CNDP2: variants seen among roughly 807,000 people sequenced by gnomAD.
The protein encoded by CNDP2 is cytosolic non-specific dipeptidase.
In CNDP2, 38 loss-of-function variants were observed where a neutral mutation model predicts 55.0. The ratio of observed to expected loss-of-function variants is 0.69; its 90% CI spans 0.53 to 0.90. The LOEUF (loss-of-function observed/expected upper bound fraction) is 0.90, where lower values mean the gene tolerates loss of function less well. CNDP2 is among the 40% of genes least tolerant of loss of function. The pLI is 0.00. For missense variants in CNDP2, 607 were observed against 621.7 expected (o/e 0.98, Z 0.25); for synonymous variants, 241 against 260.2 (o/e 0.93, Z 0.71).
Position 74,520,479 on chromosome 18 carries a change from A to C in CNDP2, c.*411A>C. On this transcript the variant is annotated 3_prime_UTR_variant, in exon 12 of 12. Transcript: ENST00000324262. ...AGACAAGCCTAGGCAACAAAACAAG[A>C]CTCTGTCTCTACAAAAAGTTTAAGA... The C allele has an allele frequency of 5.5e-6, 1 of 183,374 alleles. No homozygotes were observed. The highest frequency in any genetic ancestry group is 1.1e-5 in the Non-Finnish European group (1 of 88,022). The allele number at this position is 183,374 out of a possible 1,614,324, so 11.4% of individuals were successfully genotyped here.
At chr18:74,512,312 T>C (rs569875460) in intron 6 of CNDP2, 136 bp from the exon 7 acceptor site, 10 of 702,374 alleles carry the variant, frequency 1.4e-5, no homozygotes, top group African/African-American at 7.2e-5. Flanking sequence ...AATGCCTTGC[T>C]TTGCTCCCTG....
Position 74,512,498 on chromosome 18 carries a change from G to A in CNDP2, c.708G>A (p.Val236=), listed in dbSNP as rs750174039. ...DLHSGVYGGS[V]HEAMTDLILL... ...ATTCTGGGGTGTACGGGGGCTCGGT[G>A]CATGAGGCCATGACTGATCTCATTT... The change falls in exon 7 of 12, where the codon GTG becomes GTA. Residue 236 remains valine (V), a synonymous_variant. Transcript: ENST00000324262. 23 of 1,613,968 alleles carry A rather than the reference G, an allele frequency of 1.4e-5. No individual in the cohort carries two copies. Among genetic ancestry groups the A allele is most frequent in the Non-Finnish European group, 1.3e-5 (15 of 1,179,982 alleles).
rs144157993 is a variant in CNDP2, at chr18:74,520,033, G to A, written c.1393G>A (p.Ala465Thr). The change falls in exon 12 of 12, where the codon GCG (alanine) becomes ACG (threonine). Residue 465 changes from alanine (A) to threonine (T), a missense_variant. Coordinates refer to ENST00000324262, the MANE Select transcript of CNDP2 (RefSeq NM_018235.3). The stretch of plus-strand genomic sequence containing the variant: ...CATAGAGGGAACCAAGATGCTGGCC[G>A]CGTACCTGTATGAGGTCTCCCAGCT... ...NYIEGTKMLA[A>T]YLYEVSQLKD 63 of 1,614,146 alleles carry A rather than the reference G, an allele frequency of 3.9e-5. 1 individual carries two copies. The highest frequency in any genetic ancestry group is 3.6e-4 in the East Asian group (16 of 44,874).
chr18:74,519,874 AAGC>A (rs1979947556), intron 11 of CNDP2, 122 bp from the exon 12 acceptor site: 1 of 804,380 alleles, frequency 1.2e-6, no homozygotes, highest in South Asian at 1.7e-5. Flanking sequence ...CAGGGCCCCC[AAGC>A]TGGGATGGGG....
chr18:74,508,660 A>G (rs527954180), intron 4 of CNDP2, 180 bp from the exon 5 acceptor site: 12 of 581,238 alleles, frequency 2.1e-5, no homozygotes, highest in Admixed American at 8.5e-5. Context: ...CTCTTTGATG[A>G]TGCCAAATTC....
At position 74,516,251 on chromosome 18, in the gene CNDP2, G is replaced by T. The variant is rs774407337; in HGVS notation, c.927G>T (p.Trp309Cys). 6.2e-7 allele frequency: 1 copy of T among 1,613,636 alleles called. No homozygotes were observed. The highest frequency in any genetic ancestry group is 1.3e-5 in the African/African-American group (1 of 74,916). Residue 309 changes from tryptophan (W) to cysteine (C), a missense_variant, in exon 9 of 12, where the codon TGG becomes TGT. Trp to Cys is a radical substitution (Grantham distance 215, BLOSUM62 -2). Coordinates refer to ENST00000324262, the MANE Select transcript of CNDP2 (RefSeq NM_018235.3). ...AGAAAGACATCCTCATGCACCGATG[G>T]CGGTACCCGTCTCTGTCCCTCCATG... ...SHKKDILMHR[W>C]RYPSLSLHGI...
In CNDP2 at chr18:74,503,848, CCA is replaced by C. The variant is rs745524411; in HGVS notation, c.205-1995_205-1994del. Reference sequence around the variant, plus strand: ...CAAATGAGGGGCGTCAGGCCACACGCCACACACGCAGCCACACTGCCGCTGGG... The same window carrying C: ...CAAATGAGGGGCGTCAGGCCACACGCCACACGCAGCCACACTGCCGCTGGG... On this transcript the variant is annotated intron_variant, in intron 3 of 11. Transcript: ENST00000324262. Among the ~76,000 whole-genome samples, 15 of 150,660 alleles carry C rather than the reference CCA, an allele frequency of 1.0e-4. 1 individual carries two copies. The highest frequency in any genetic ancestry group is 1.6e-4 in the Non-Finnish European group (11 of 67,768).
At chr18:74,507,014 G>A (rs932935217) in intron 4 of CNDP2, 7 of 151,372 alleles carry the variant, frequency 4.6e-5, no homozygotes, top group Admixed American at 6.6e-5. Flanking sequence ...CTGGCCCAGT[G>A]TCAGTTGTGT....
chr18:74,513,487 C>T (rs998316191), intron 7 of CNDP2, 72 bp from the exon 8 acceptor site: 14 of 1,442,562 alleles, frequency 9.7e-6, no homozygotes, highest in African/African-American at 8.5e-5. Flanking sequence ...TTCCTGGGGT[C>T]GGTGCAGGAA....
rs922522747 is a variant in CNDP2 at position 74,522,645 on chromosome 18, G to C, written c.*2577G>C. ...TCTCTACCCCTCTCTGAGCCCTTGT[G>C]TTGTGGGATGACACAGCCAGAAGGC... On this transcript the variant is annotated 3_prime_UTR_variant, in exon 12 of 12. Transcript: ENST00000324262. The C allele has an allele frequency of 1.3e-5, 2 of 152,390 alleles. No individual in the cohort carries two copies. The highest frequency in any genetic ancestry group is 3.2e-3 in the Middle Eastern group (1 of 316). The allele number at this position is 152,390 out of a possible 1,614,324, so 9.4% of individuals were successfully genotyped here. A position where few individuals can be genotyped will look rare whatever the true frequency, so the allele number is the denominator to read the frequency against.
At position 74,518,591 on chromosome 18, in the gene CNDP2, C is replaced by T. The variant is rs560774464; in HGVS notation, c.1161C>T (p.Ser387=). The change falls in exon 10 of 12, where the codon TCC becomes TCT. Residue 387 remains serine, a synonymous_variant. Transcript: ENST00000324262. ...YMGHGGKPWV[S]DFSHPHYLAG... Reference sequence around the variant, plus strand: ...GCCACGGTGGGAAGCCCTGGGTCTCCGACTTCAGTCACCCTCATTACCTGG... The same window carrying T: ...GCCACGGTGGGAAGCCCTGGGTCTCTGACTTCAGTCACCCTCATTACCTGG... 71 of 1,614,058 alleles carry T rather than the reference C, an allele frequency of 4.4e-5. No homozygotes were observed. In the South Asian group the frequency reaches 5.8e-4, roughly 13 times the overall value.
chr18:74,513,088 A>C (rs1261931307), intron 7 of CNDP2, among the ~76,000 whole-genome samples: 1 of 151,870 alleles, frequency 6.6e-6, no homozygotes, highest in Non-Finnish European at 1.5e-5. Flanking sequence ...TGTTATACCC[A>C]CAGTTTACCC....
rs778770816 is a variant in CNDP2 at position 74,501,350 on chromosome 18, A to G, written c.82A>G (p.Ile28Val). ...YIKKLAKWVAIQSVSAWPEKR... is the reference protein window; with the variant it reads ...YIKKLAKWVAVQSVSAWPEKR... ...ACAGAAACTCGCAAAATGGGTGGCT[A>G]TCCAGAGTGTGTCTGCGTGGCCGGA... is the stretch of plus-strand genomic sequence containing the variant. The change falls in exon 3 of 12, where the codon ATC becomes GTC. Residue 28 changes from isoleucine to valine, a missense_variant. Coordinates refer to ENST00000324262, the MANE Select transcript of CNDP2 (RefSeq NM_018235.3). 4.7e-5 allele frequency: 76 copies of G among 1,613,422 alleles called. No homozygotes were observed. The highest frequency in any genetic ancestry group is 6.0e-5 in the Non-Finnish European group (71 of 1,179,776).
chr18:74,500,087 C>T, intron 2 of CNDP2, 54 bp downstream of exon 2: 1 of 1,485,462 alleles, frequency 6.7e-7, no homozygotes, highest in Non-Finnish European at 9.4e-7. Context: ...TCCCATGGGG[C>T]CCAGAGAAGT....
intron 10 of CNDP2, 128 bp downstream of exon 10, chr18:74,518,768 C>A: frequency 1.4e-6 from 2 of 1,443,832 alleles, no homozygotes; most frequent in Non-Finnish European, 1.9e-6. Context: ...GTAGTTAAGT[C>A]AGCATGAGGA....
chr18:74,511,905 C>T (rs1979376776), intron 6 of CNDP2: 1 of 153,014 alleles, frequency 6.5e-6, no homozygotes, highest in Non-Finnish European at 1.5e-5. Context: ...TGCCCTGAGC[C>T]CTCACTCTGA....
intron 11 of CNDP2, 95 bp downstream of exon 11, chr18:74,519,191 A>G: frequency 6.8e-7 from 1 of 1,463,952 alleles, no homozygotes; most frequent in Non-Finnish European, 9.1e-7. Flanking sequence ...CAAGAGAAGC[A>G]GGTGGGGGTG....
chr18:74,518,370 AT>A, intron 9 of CNDP2, 128 bp from the exon 10 acceptor site: 1 of 960,420 alleles, frequency 1.0e-6, no homozygotes, highest in Non-Finnish European at 1.6e-6. Context: ...GCATAGACCC[AT>A]CACAGACCTG....
At position 74,519,557 on chromosome 18, in the gene CNDP2, GC is replaced by G. The variant is rs564023547; in HGVS notation, c.1359-438del. Among the ~76,000 whole-genome samples the G allele has an allele frequency of 5.3e-5, 8 of 152,234 alleles. 1 individual carries two copies. The highest frequency in any genetic ancestry group is 1.9e-4 in the African/African-American group (8 of 41,548). Reference sequence around the variant, plus strand: ...TGGGTAGTTCCGGGGGAGGCCTCTGGCCCCTAAAATTGCTGAGGAGGGCAGA... The same window carrying G: ...TGGGTAGTTCCGGGGGAGGCCTCTGGCCCTAAAATTGCTGAGGAGGGCAGA... On this transcript the variant is annotated intron_variant, in intron 11 of 11. Transcript: ENST00000324262.
Sources: allele counts gnomAD v4.1 joint callset (sites outside exome capture counted in the v4.1 genomes callset), GRCh38; gene constraint gnomAD v4.1.1; transcripts MANE v1.5; gene names NCBI Gene and HGNC (gene_info 2026-07-23, HGNC 2026-07-21).